Variants in TLCD3B observed in about 807,000 individuals in gnomAD.
TLCD3B encodes TLC domain containing 3B, also known as ceramide synthase.
In TLCD3B, 9 loss-of-function variants were observed where a neutral mutation model predicts 23.0. The observed-to-expected ratio is 0.39, with a 90% CI of 0.24 to 0.68. TLCD3B has a LOEUF of 0.68. TLCD3B is among the 30% of genes least tolerant of loss of function. The probability of loss-of-function intolerance (pLI) is 0.44; values close to 1 mark genes in which losing one functional copy is unlikely to be tolerated. For synonymous variants in TLCD3B, 161 were observed against 161.0 expected, an observed-to-expected ratio of 1.00 and a Z score of 0.00; for missense variants, 307 against 371.8, an observed-to-expected ratio of 0.83 and a Z score of 1.43.
At chr16:30,027,795 G>T (rs758729440) in intron 2 of TLCD3B, 10 of 395,846 alleles carry the variant, frequency 2.5e-5, no homozygotes, top group Admixed American at 5.5e-5. Context: ...GGGGGCAGGA[G>T]GTCAGAGAGG....
chr16:30,048,165 C>A lies in TLCD3B; in HGVS notation c.-293-1778G>T, dbSNP rs572519587. Among the ~76,000 whole-genome samples the A allele has an allele frequency of 1.5e-4, 22 of 150,730 alleles. No homozygotes were observed. In the East Asian group the frequency reaches 3.9e-3, roughly 27 times the overall value. On this transcript the variant is annotated intron_variant, in intron 1 of 6. Transcript: ENST00000561666. ...CTCCAAAAGAAAAAAAAAAAACCACCACCAACAACAACAAACAAAAAAACT... is the reference window on the plus strand; with the variant it reads ...CTCCAAAAGAAAAAAAAAAAACCACAACCAACAACAACAAACAAAAAAACT...
intron 3 of TLCD3B, among the ~76,000 whole-genome samples, chr16:30,037,911 T>C (rs573124360): frequency 1.3e-5 from 2 of 152,294 alleles, no homozygotes; most frequent in East Asian, 1.9e-4. Flanking sequence ...AGAAACACAC[T>C]GTATGGCTCT....
At position 30,025,213 on chromosome 16, in the gene TLCD3B, CCGGGAGCGGG is replaced by C. The variant is rs1233215136; in HGVS notation, c.785_794del (p.Pro262ArgfsTer96). 6.7e-6 allele frequency: 10 copies of C among 1,497,240 alleles called. No individual in the cohort carries two copies. The highest frequency in any genetic ancestry group is 8.0e-6 in the Non-Finnish European group (9 of 1,127,666). 92.7% of individuals were successfully genotyped at this position (1,497,240 alleles called of 1,614,324 possible). A position where few individuals can be genotyped will look rare whatever the true frequency, so the allele number is the denominator to read the frequency against. On this transcript the variant is annotated frameshift_variant, in exon 5 of 5. Transcript: ENST00000380495. LOFTEE classifies it high-confidence loss of function. The surrounding 1 kb of genome is among the most constrained non-coding windows in gnomAD (Gnocchi z 4.1). The stretch of plus-strand genomic sequence containing the variant: ...CCTGGGCCTGGCAGGCCGGGGGCGG[CCGGGAGCGGG>C]GCCAGAAGAGGCGGCAGGCCCCACG...
chr16:30,043,872 G>T (rs2071615047), intron 2 of TLCD3B, among the ~76,000 whole-genome samples: 1 of 151,552 alleles, frequency 6.6e-6, no homozygotes, highest in South Asian at 2.1e-4. Flanking sequence ...TTTTGGTAGA[G>T]ACAGGGTTTC....
rs917403662 is a variant in TLCD3B at position 30,029,297 on chromosome 16, A to G, written c.209+135T>C. 7 of 713,374 alleles carry G rather than the reference A, an allele frequency of 9.8e-6. No homozygotes were observed. Among genetic ancestry groups the G allele is most frequent in the Non-Finnish European group, 1.7e-5 (7 of 403,952 alleles). 44.2% of individuals were successfully genotyped at this position (713,374 alleles called of 1,614,324 possible). Reference sequence around the variant, plus strand: ...CTGGGTGTTGAGTTGCGGTTATTGCAGTTAACTTGCTCAGGCCCAAGTTAA... The same window carrying G: ...CTGGGTGTTGAGTTGCGGTTATTGCGGTTAACTTGCTCAGGCCCAAGTTAA... On this transcript the variant is annotated intron_variant, in intron 2 of 4. Coordinates refer to ENST00000380495, the MANE Select transcript of TLCD3B (RefSeq NM_031478.6). This position sits in a 1 kb window ranked among gnomAD's most constrained non-coding sequence, Gnocchi z 4.6.
chr16:30,052,146 T>A (rs2071768980), intron 1 of TLCD3B, among the ~76,000 whole-genome samples: 1 of 151,526 alleles, frequency 6.6e-6, no homozygotes, highest in Non-Finnish European at 1.5e-5. Context: ...GCGGGCGGGA[T>A]TGCCTGAGGT....
chr16:30,043,188 T>C (rs756795135), intron 2 of TLCD3B, among the ~76,000 whole-genome samples: 1 of 152,140 alleles, frequency 6.6e-6, no homozygotes, highest in Non-Finnish European at 1.5e-5. Context: ...TAACATAATA[T>C]CCACAATAAT....
At chr16:30,051,521 CAAAAAAAAAA>C (rs199594296) in intron 1 of TLCD3B, among the ~76,000 whole-genome samples, 2 of 62,862 alleles carry the variant, frequency 3.2e-5, no homozygotes, top group South Asian at 6.7e-4. Flanking sequence ...AACTCCGTTT[CAAAAAAAAAA>C]AAAAAAAAGA....
chr16:30,045,689 GTGTT>G (rs1045874272), intron 2 of TLCD3B, among the ~76,000 whole-genome samples: 20 of 139,116 alleles, frequency 1.4e-4, no homozygotes, highest in African/African-American at 2.1e-4. Context: ...TGTTTGGTGT[GTGTT>G]TGTGTGTGTG....
rs143160520 is a variant in TLCD3B, at chr16:30,040,065, C to T, written c.-67+930G>A. Among the ~76,000 whole-genome samples the T allele has an allele frequency of 9.0e-4, 131 of 146,286 alleles. 2 individuals are homozygous for T. In the East Asian group the frequency reaches 0.026, roughly 29 times the overall value. Reference sequence around the variant, plus strand: ...AGGAGAATTGCTTGAACCCAGGAGGCGGAGGTTGCAGTGATCCGAGATGGT... The same window carrying T: ...AGGAGAATTGCTTGAACCCAGGAGGTGGAGGTTGCAGTGATCCGAGATGGT... On this transcript the variant is annotated intron_variant, in intron 3 of 6. Transcript: ENST00000561666.
At chr16:30,027,566 T>C in intron 2 of TLCD3B, 1 of 456,042 alleles carries the variant, frequency 2.2e-6, no homozygotes, top group Non-Finnish European at 4.4e-6. Flanking sequence ...TGCCCCAAAG[T>C]CACCCAATCT....
At chr16:30,047,317 G>T (rs1596781175) in intron 1 of TLCD3B, among the ~76,000 whole-genome samples, 1 of 151,884 alleles carries the variant, frequency 6.6e-6, no homozygotes, top group East Asian at 1.9e-4. Context: ...TTGCTTTTTG[G>T]TTTTGGGTTT....
intron 2 of TLCD3B, among the ~76,000 whole-genome samples, chr16:30,045,092 C>CAAAAAAAAAAAAAAAAAAAAAAA (rs1162281544): frequency 9.0e-5 from 2 of 22,226 alleles, no homozygotes; most frequent in Non-Finnish European, 1.5e-4. Context: ...GACTCCATCT[C>CAAAAAAAAAAAAAAAAAAAAAAA]AAAAAAAAAA....
At chr16:30,041,670 C>T (rs1309903001) in intron 2 of TLCD3B, among the ~76,000 whole-genome samples, 3 of 148,180 alleles carry the variant, frequency 2.0e-5, no homozygotes, top group Non-Finnish European at 4.4e-5. Flanking sequence ...TGCAGTGAGC[C>T]GAGATCACGC....
intron 3 of TLCD3B, among the ~76,000 whole-genome samples, chr16:30,040,615 GGAGT>G (rs2071566549): frequency 6.6e-6 from 1 of 151,876 alleles, no homozygotes; most frequent in African/African-American, 2.4e-5. Context: ...AGAGGCAGAA[GGAGT>G]GAGGAGGAGT....
At chr16:30,052,282 C>T (rs1052759574) in intron 1 of TLCD3B, among the ~76,000 whole-genome samples, 3 of 151,874 alleles carry the variant, frequency 2.0e-5, no homozygotes, top group Non-Finnish European at 4.4e-5. Flanking sequence ...GCGGGAGAAT[C>T]GCTTGAACCC....
chr16:30,026,592 A>G lies in TLCD3B; in HGVS notation c.444+17T>C. The G allele has an allele frequency of 7.2e-7, 1 of 1,386,908 alleles. No individual in the cohort carries two copies. Among genetic ancestry groups the G allele is most frequent in the Non-Finnish European group, 1.0e-6 (1 of 982,796 alleles). The allele number at this position is 1,386,908 out of a possible 1,614,324, so 85.9% of individuals were successfully genotyped here. ...CAGGCCACCCGCACCCCGCCCGCCC[A>G]GCTCCCCGGGACTCACCACTGAGAG... On this transcript the variant is annotated intron_variant, in intron 3 of 4. Coordinates refer to ENST00000380495, the MANE Select transcript of TLCD3B (RefSeq NM_031478.6).
upstream of TLCD3B, chr16:30,036,106 C>A: frequency 8.1e-7 from 1 of 1,241,528 alleles, no homozygotes; most frequent in Non-Finnish European, 1.0e-6. Context: ...TCTGCATGCC[C>A]CGCCCGCCGC....
At chr16:30,051,506 A>G (rs139286715) in intron 1 of TLCD3B, among the ~76,000 whole-genome samples, 1,883 of 147,776 alleles carry the variant, frequency 0.013, 32 homozygotes, top group Non-Finnish European at 0.018. Context: ...GGGCGACAAG[A>G]GCAAAACTCC....
Sources: allele counts gnomAD v4.1 joint callset (sites outside exome capture counted in the v4.1 genomes callset), GRCh38; gene constraint gnomAD v4.1.1; non-coding constraint Gnocchi (gnomAD v3.1); transcripts MANE v1.5; gene names NCBI Gene and HGNC (gene_info 2026-07-23, HGNC 2026-07-21).